CDH13: variants seen among roughly 807,000 people sequenced by gnomAD.
The protein encoded by CDH13 is cadherin-13.
In CDH13, 24 loss-of-function variants were observed where a neutral mutation model predicts 63.8. That is an observed-to-expected ratio of 0.38 (90% CI 0.27 to 0.53). The LOEUF (loss-of-function observed/expected upper bound fraction) is 0.53. Among genes scored for constraint, CDH13 ranks in the 20% least tolerant of loss-of-function variants. The pLI is 0.85. For missense variants in CDH13, 1,049 were observed against 903.1 expected (o/e 1.16, Z -2.07); for synonymous variants, 503 against 355.3 (o/e 1.42, Z -4.67).
In CDH13 at chr16:83,312,004, C is replaced by T. The variant is rs551875671; in HGVS notation, c.637-32858C>T. On this transcript the variant is annotated intron_variant, in intron 5 of 13. Transcript: ENST00000567109. ...AGGAGAATCACTTGAACCCGGGAGG[C>T]GGAAGTTGCAGTGAGCTGAGATTGT... Among the ~76,000 whole-genome samples, 57 of 133,160 alleles carry T rather than the reference C, an allele frequency of 4.3e-4. No individual in the cohort carries two copies. In the South Asian group the frequency reaches 5.1e-3, roughly 12 times the overall value. The allele number at this position is 133,160 out of a possible 152,430, so 87.4% of individuals were successfully genotyped here. A position where few individuals can be genotyped will look rare whatever the true frequency, so the allele number is the denominator to read the frequency against.
At chr16:82,828,059 G>C (rs1318905174) in intron 1 of CDH13, among the ~76,000 whole-genome samples, 2 of 152,120 alleles carry the variant, frequency 1.3e-5, no homozygotes, top group African/African-American at 4.8e-5. Context: ...TATTATGAGA[G>C]GTTAGAGAGG....
intron 7 of CDH13, among the ~76,000 whole-genome samples, chr16:83,597,640 G>A (rs1486876690): frequency 6.6e-6 from 1 of 152,096 alleles, no homozygotes; most frequent in Admixed American, 6.6e-5. Context: ...TATTTTTAAG[G>A]TCAGCCTTAA....
chr16:82,670,892 C>G (rs1360025697), intron 1 of CDH13, among the ~76,000 whole-genome samples: 1 of 152,222 alleles, frequency 6.6e-6, no homozygotes, highest in African/African-American at 2.4e-5. Context: ...ATGGCTGTCA[C>G]TGTTCCTCCT....
chr16:83,121,109 T>G (rs546203413), intron 3 of CDH13, among the ~76,000 whole-genome samples: 1 of 152,124 alleles, frequency 6.6e-6, no homozygotes. Context: ...GTGGTTGGCT[T>G]TTTTGTTCGT....
intron 5 of CDH13, among the ~76,000 whole-genome samples, chr16:83,274,600 A>C (rs1272338983): frequency 1.3e-5 from 2 of 152,166 alleles, no homozygotes; most frequent in East Asian, 3.9e-4. Flanking sequence ...AGAAACCCCC[A>C]CATGCAGCAC....
chr16:83,737,387 A>G (rs887856414), intron 10 of CDH13, among the ~76,000 whole-genome samples: 2 of 152,236 alleles, frequency 1.3e-5, no homozygotes, highest in African/African-American at 4.8e-5. Context: ...CACCATTGAT[A>G]GTGATGAAGA....
At chr16:82,819,559 C>G (rs185161013) in intron 1 of CDH13, among the ~76,000 whole-genome samples, 6 of 152,234 alleles carry the variant, frequency 3.9e-5, no homozygotes, top group Non-Finnish European at 5.9e-5. Flanking sequence ...TTCCCTACCT[C>G]TAGCCACACT....
intron 2 of CDH13, among the ~76,000 whole-genome samples, chr16:82,885,765 T>A (rs2040865856): frequency 1.3e-5 from 2 of 152,240 alleles, no homozygotes; most frequent in Non-Finnish European, 2.9e-5. Context: ...TCATGCACTT[T>A]CTATGTAACC....
At chr16:83,679,663 A>C (rs996125772) in intron 10 of CDH13, among the ~76,000 whole-genome samples, 1 of 152,204 alleles carries the variant, frequency 6.6e-6, no homozygotes, top group Admixed American at 6.5e-5. Context: ...GGAAACATGC[A>C]ATTTAAACAT....
chr16:82,865,651 G>T (rs1302193261), intron 2 of CDH13, among the ~76,000 whole-genome samples: 1 of 152,232 alleles, frequency 6.6e-6, no homozygotes, highest in Non-Finnish European at 1.5e-5. Flanking sequence ...CAGGGCCTGT[G>T]ATGGGAAGGG....
rs1175380742 is a variant in CDH13, at chr16:83,558,130, C to T, written c.961-44324C>T. On this transcript the variant is annotated intron_variant, in intron 7 of 13. Transcript: ENST00000567109. ...TTTTGCTACACTGACAAGAATCCTT[C>T]TGGCTGGACACAGTATGTCACCTGT... Among the ~76,000 whole-genome samples, 11 of 152,198 alleles carry T rather than the reference C, an allele frequency of 7.2e-5. No individual in the cohort carries two copies. In the South Asian group the frequency reaches 1.9e-3, roughly 26 times the overall value.
At chr16:82,772,928 C>A (rs1265326266) in intron 1 of CDH13, among the ~76,000 whole-genome samples, 5 of 152,090 alleles carry the variant, frequency 3.3e-5, no homozygotes, top group African/African-American at 4.8e-5. Flanking sequence ...TCAGGATGAC[C>A]TGGGAGTAAC....
chr16:82,777,281 G>A (rs1233941489), intron 1 of CDH13, among the ~76,000 whole-genome samples: 1 of 152,234 alleles, frequency 6.6e-6, no homozygotes, highest in South Asian at 2.1e-4. Flanking sequence ...TAAGATTCTT[G>A]TAGCTGCTTT....
At chr16:82,654,463 T>G (rs150085830) in intron 1 of CDH13, among the ~76,000 whole-genome samples, 1,835 of 152,312 alleles carry the variant, frequency 0.012, 23 homozygotes, top group Non-Finnish European at 0.02. Context: ...TGCTGAAGGC[T>G]GCCAATTAAA....
intron 1 of CDH13, among the ~76,000 whole-genome samples, chr16:82,711,812 C>G (rs1029981284): frequency 1.3e-5 from 2 of 152,228 alleles, no homozygotes; most frequent in Non-Finnish European, 2.9e-5. Flanking sequence ...TGAGTTCCCA[C>G]CAGGTGTCAG....
chr16:83,753,350 C>G (rs1426714907), intron 11 of CDH13, among the ~76,000 whole-genome samples: 1 of 152,088 alleles, frequency 6.6e-6, no homozygotes, highest in Non-Finnish European at 1.5e-5. Flanking sequence ...TCAAAACCAT[C>G]CTGGGCAACA....
intron 2 of CDH13, among the ~76,000 whole-genome samples, chr16:82,942,328 G>T (rs1055394612): frequency 6.6e-6 from 1 of 152,146 alleles, no homozygotes; most frequent in East Asian, 1.9e-4. Flanking sequence ...CAATATGTGT[G>T]ATCTATTTCC....
intron 5 of CDH13, among the ~76,000 whole-genome samples, chr16:83,296,994 G>T (rs995876213): frequency 3.9e-5 from 6 of 152,140 alleles, no homozygotes; most frequent in Non-Finnish European, 8.8e-5. Context: ...TAAGATATTT[G>T]TTTGGGAAAT....
intron 2 of CDH13, among the ~76,000 whole-genome samples, chr16:83,015,233 A>T (rs1250853489): frequency 6.6e-6 from 1 of 151,862 alleles, no homozygotes. Context: ...ATTTTTAATT[A>T]TTTTTGTATT....
Sources: allele counts gnomAD v4.1 joint callset (sites outside exome capture counted in the v4.1 genomes callset), GRCh38; gene constraint gnomAD v4.1.1; transcripts MANE v1.5; gene names NCBI Gene and HGNC (gene_info 2026-07-23, HGNC 2026-07-21).